PTPRD: variants seen among roughly 807,000 people sequenced by gnomAD.
PTPRD encodes protein tyrosine phosphatase receptor type D, also known as receptor-type tyrosine-protein phosphatase delta.
A neutral mutation model predicts 214.5 loss-of-function variants in PTPRD; 34 were observed. The ratio of observed to expected loss-of-function variants is 0.16; its 90% CI spans 0.12 to 0.21. PTPRD has a LOEUF of 0.21. Ranked by LOEUF, PTPRD falls within the 10% of genes least tolerant of loss-of-function variation. The pLI is 1.00. For synonymous variants in PTPRD, 1,128 were observed against 845.7 expected (o/e 1.33, Z -5.79); for missense variants, 2,545 against 2,398.7 (o/e 1.06, Z -1.27).
chr9:8,321,487 G>GTGTGTGTGTATATA (rs1168847469), intron 44 of PTPRD, among the ~76,000 whole-genome samples: 2 of 44,540 alleles, frequency 4.5e-5, no homozygotes, highest in Non-Finnish European at 7.7e-5. Context: ...GTGTGTGTGT[G>GTGTGTGTGTATATA]TATATATATA....
intron 4 of PTPRD, among the ~76,000 whole-genome samples, chr9:10,010,766 GA>G (rs2096581802): frequency 6.6e-6 from 1 of 151,886 alleles, no homozygotes; most frequent in Non-Finnish European, 1.5e-5. Context: ...TGGTAATGAG[GA>G]GACCAAAAGA....
At chr9:10,029,867 G>A (rs1231787885) in intron 4 of PTPRD, among the ~76,000 whole-genome samples, 1 of 152,222 alleles carries the variant, frequency 6.6e-6, no homozygotes, top group East Asian at 1.9e-4. Flanking sequence ...AGAAAGATGT[G>A]GTTTGGCTGT....
intron 10 of PTPRD, among the ~76,000 whole-genome samples, chr9:9,084,352 T>C (rs2099763817): frequency 6.6e-6 from 1 of 151,998 alleles, no homozygotes; most frequent in Non-Finnish European, 1.5e-5. Context: ...AGTTGAACAA[T>C]GAGAACATAT....
Position 10,283,648 on chromosome 9 carries a change from T to G in PTPRD, c.-545+57315A>C, listed in dbSNP as rs572545759. ...TCAGTAAACAGAGATCAGGTCTCCA[T>G]TGATATAGGTGAAATTCTAACTGTC... On this transcript the variant is annotated intron_variant, in intron 3 of 45. Transcript: ENST00000381196. 4.5e-4 allele frequency among the ~76,000 whole-genome samples: 69 copies of G among 152,304 alleles called. 2 individuals carry two copies. In the South Asian group the frequency reaches 0.014, roughly 31 times the overall value.
intron 4 of PTPRD, among the ~76,000 whole-genome samples, chr9:9,994,456 CTGTT>C (rs1442125350): frequency 5.3e-5 from 8 of 152,072 alleles, no homozygotes; most frequent in South Asian, 2.1e-4. Context: ...GACGTCTTAT[CTGTT>C]TGTTTATCTC....
chr9:9,317,837 CATA>C (rs1964132795), intron 9 of PTPRD, among the ~76,000 whole-genome samples: 1 of 151,970 alleles, frequency 6.6e-6, no homozygotes, highest in Admixed American at 6.6e-5. Context: ...TGTGCATTTT[CATA>C]ATAACAATCT....
At chr9:9,773,777 C>T (rs1305545342) in intron 5 of PTPRD, among the ~76,000 whole-genome samples, 2 of 152,114 alleles carry the variant, frequency 1.3e-5, no homozygotes, top group Non-Finnish European at 1.5e-5. Context: ...ATTCCAACAT[C>T]CAATTCTTTT....
intron 3 of PTPRD, among the ~76,000 whole-genome samples, chr9:10,307,548 A>G (rs188223254): frequency 5.3e-5 from 8 of 152,160 alleles, no homozygotes; most frequent in Non-Finnish European, 5.9e-5. Flanking sequence ...TCTTTAATAT[A>G]TGGCTTTCTT....
chr9:10,462,491 A>T (rs1452244579), intron 2 of PTPRD, among the ~76,000 whole-genome samples: 1 of 152,196 alleles, frequency 6.6e-6, no homozygotes, highest in African/African-American at 2.4e-5. Flanking sequence ...AGCCTGGCTC[A>T]TTCAAAAGCC....
intron 10 of PTPRD, among the ~76,000 whole-genome samples, chr9:9,107,853 C>T (rs946790928): frequency 1.5e-4 from 23 of 152,266 alleles, no homozygotes; most frequent in Non-Finnish European, 5.9e-5. Context: ...GACTACCATG[C>T]CAACTTACAT....
At chr9:8,753,701 G>A (rs2093729831) in intron 11 of PTPRD, among the ~76,000 whole-genome samples, 1 of 152,198 alleles carries the variant, frequency 6.6e-6, no homozygotes, top group Admixed American at 6.5e-5. Flanking sequence ...TTTCTTAAAT[G>A]TGCTATTTAT....
intron 6 of PTPRD, among the ~76,000 whole-genome samples, chr9:9,760,513 A>T (rs2098643008): frequency 6.7e-6 from 1 of 150,222 alleles, no homozygotes; most frequent in South Asian, 2.2e-4. Context: ...GCTTCTCAGG[A>T]CTTCGGACTT....
chr9:10,170,318 C>T (rs1264362064), intron 3 of PTPRD, among the ~76,000 whole-genome samples: 2 of 152,116 alleles, frequency 1.3e-5, no homozygotes, highest in Non-Finnish European at 2.9e-5. Flanking sequence ...GCATATTTTA[C>T]TGAGAAAGCT....
intron 3 of PTPRD, among the ~76,000 whole-genome samples, chr9:10,176,215 T>TC (rs1283191929): frequency 6.6e-6 from 1 of 151,986 alleles, no homozygotes; most frequent in East Asian, 1.9e-4. Flanking sequence ...TATTTGAACA[T>TC]CATTTATTTG....
At chr9:10,174,346 T>C (rs897712374) in intron 3 of PTPRD, among the ~76,000 whole-genome samples, 16 of 152,100 alleles carry the variant, frequency 1.1e-4, no homozygotes, top group African/African-American at 7.2e-5. Flanking sequence ...AATTCATCCA[T>C]TTCTCTCTTG....
intron 3 of PTPRD, among the ~76,000 whole-genome samples, chr9:10,076,839 A>G (rs957468844): frequency 1.3e-5 from 2 of 152,152 alleles, no homozygotes; most frequent in African/African-American, 4.8e-5. Flanking sequence ...CGCACATTAC[A>G]GCTAATGGTG....
intron 5 of PTPRD, among the ~76,000 whole-genome samples, chr9:9,930,279 G>A (rs1055962357): frequency 7.2e-5 from 11 of 152,056 alleles, no homozygotes; most frequent in African/African-American, 2.2e-4. Flanking sequence ...TGGGAATATC[G>A]AAGCCATGGA....
rs146187728 is a variant in PTPRD at position 8,724,887 on chromosome 9, G to A, written c.64+8893C>T. 7.2e-3 allele frequency among the ~76,000 whole-genome samples: 1,094 copies of A among 152,234 alleles called. 16 individuals carry two copies. The highest frequency in any genetic ancestry group is 0.025 in the African/African-American group (1,047 of 41,510). ...CAGGAGGCAGAAGGTGCAGTGAGCC[G>A]AGATCGCGTCACTGCACTCCAGCCT... On this transcript the variant is annotated intron_variant, in intron 12 of 45. Transcript: ENST00000381196.
At chr9:9,204,608 A>G (rs1012704827) in intron 9 of PTPRD, among the ~76,000 whole-genome samples, 5 of 152,202 alleles carry the variant, frequency 3.3e-5, no homozygotes, top group African/African-American at 1.2e-4. Flanking sequence ...TGAAATGTTT[A>G]CATTGCATTT....
Sources: allele counts gnomAD v4.1 joint callset (sites outside exome capture counted in the v4.1 genomes callset), GRCh38; gene constraint gnomAD v4.1.1; transcripts MANE v1.5; gene names NCBI Gene and HGNC (gene_info 2026-07-23, HGNC 2026-07-21).